Variants in TTN observed in about 807,000 individuals in gnomAD.
TTN encodes the protein titin.
A neutral mutation model predicts 3,223.0 loss-of-function variants in TTN; 1,525 were observed. The ratio of observed to expected loss-of-function variants is 0.47; its 90% confidence interval spans 0.45 to 0.49. The LOEUF is 0.49. Among genes scored for constraint, TTN ranks in the 20% least tolerant of loss-of-function variants. TTN has a pLI of 0.00. For missense variants in TTN, 40,786 were observed against 43,424.0 expected (o/e 0.94, Z 5.40); for synonymous variants, 14,094 against 15,161.0 (o/e 0.93, Z 5.17).
At chr2:178,750,466 A>G in intron 47 of TTN, 6 of 1,612,990 alleles carry the variant, frequency 3.7e-6, no homozygotes, top group Non-Finnish European at 5.1e-6. Context: ...TGTCATTGTT[A>G]TACCACGTCA....
rs778929590 is a variant in TTN, at chr2:178,540,358, T to C, written c.97808A>G (p.Lys32603Arg). The change falls in exon 351 of 363, where the codon AAG (lysine) becomes AGG (arginine). Residue 32603 changes from lysine (K) to arginine (R), a missense_variant. By Grantham distance (26) the Lys-to-Arg change is conservative. Coordinates refer to ENST00000589042, the MANE Select transcript of TTN (RefSeq NM_001267550.2). ...VAMDPIAPPG[K>R]PQNPRVTDTT... is the part of the protein sequence containing the mutation. Reference sequence around the variant, plus strand: ...ATCAGTAACTCTTGGGTTTTGTGGCTTTCCTGGAGGAGCTGAGAATAAGAA... The same window carrying C: ...ATCAGTAACTCTTGGGTTTTGTGGCCTTCCTGGAGGAGCTGAGAATAAGAA... The C allele has an allele frequency of 6.2e-7, 1 of 1,611,886 alleles. No homozygotes were observed.
rs761455000 is a variant in TTN at position 178,591,786 on chromosome 2, T to C, written c.60033A>G (p.Gly20011=). 4 of 1,613,264 alleles carry C rather than the reference T, an allele frequency of 2.5e-6. No individual in the cohort carries two copies. The highest frequency in any genetic ancestry group is 1.7e-5 in the Admixed American group (1 of 59,936). The change falls in exon 303 of 363, where the codon GGA becomes GGG. Residue 20011 remains glycine, a synonymous_variant. Transcript: ENST00000589042. The part of the protein sequence containing the change: ...PDRDGGSPIT[G]YLVEYQEEGT... ...CTTCTTCTTGATATTCTACCAAATA[T>C]CCAGTGATTGGAGAACCACCATCAC...
At chr2:178,672,948 C>T (rs918671174) in intron 152 of TTN, among the ~76,000 whole-genome samples, 3 of 151,320 alleles carry the variant, frequency 2.0e-5, no homozygotes, top group Non-Finnish European at 4.4e-5. Context: ...CTTTTAATAA[C>T]AGGGATTACC....
chr2:178,705,504 C>A (rs2075717435), intron 102 of TTN, 147 bp from the exon 103 acceptor site: 1 of 703,342 alleles, frequency 1.4e-6, no homozygotes, highest in South Asian at 3.3e-5. Context: ...AGCTGTGAAA[C>A]AATTTAAAAA....
Position 178,720,090 on chromosome 2 carries a change from G to A in TTN, c.23552C>T (p.Ala7851Val), listed in dbSNP as rs761381617. 4 of 1,613,726 alleles carry A rather than the reference G, an allele frequency of 2.5e-6. No homozygotes were observed. Among genetic ancestry groups the A allele is most frequent in the Non-Finnish European group, 2.5e-6 (3 of 1,179,700 alleles). The change falls in exon 81 of 363, where the codon GCA becomes GTA. Residue 7851 changes from alanine (A) to valine (V), a missense_variant. Ala to Val is a moderately conservative substitution (Grantham distance 64, BLOSUM62 0). Transcript: ENST00000589042. ...NTRISFIDNI[A>V]TLQLGSPEAS... ...TTCTGGACTCCCCAGCTGGAGGGTTGCAATGTTATCAATGAATGAAATCCT... is the reference window on the plus strand; with the variant it reads ...TTCTGGACTCCCCAGCTGGAGGGTTACAATGTTATCAATGAATGAAATCCT...
chr2:178,541,104 T>C (rs1270736506), intron 350 of TTN, 178 bp downstream of exon 350: 51 of 550,002 alleles, frequency 9.3e-5, no homozygotes, highest in Admixed American at 1.2e-4. Context: ...AGGGACTGAT[T>C]ACAAACGGAC....
chr2:178,577,205 G>A lies in TTN; in HGVS notation c.69130C>T (p.Pro23044Ser), dbSNP rs55980498. ...ACATTACTGATTTCAACAGGACCTG[G>A]GGGACCAGGTACATCAAGGACTGTT... ...KVTVLDVPGP[P>S]GPVEISNVSA... The change falls in exon 324 of 363, where the codon CCA (proline) becomes TCA (serine). Residue 23044 changes from proline to serine, a missense_variant. Transcript: ENST00000589042. 8,307 of 1,612,852 alleles carry A rather than the reference G, an allele frequency of 5.2e-3. 29 individuals carry two copies. Among genetic ancestry groups the A allele is most frequent in the Non-Finnish European group, 6.1e-3 (7,225 of 1,179,470 alleles).
At chr2:178,789,640 C>A in intron 12 of TTN, 143 bp from the exon 13 acceptor site, 1 of 1,134,740 alleles carries the variant, frequency 8.8e-7, no homozygotes, top group East Asian at 2.6e-5. Flanking sequence ...CCGGCAATGT[C>A]TACATATACT....
intron 213 of TTN, among the ~76,000 whole-genome samples, chr2:178,648,176 C>T (rs1343924823): frequency 2.6e-5 from 4 of 152,092 alleles, no homozygotes; most frequent in Admixed American, 6.6e-5. Flanking sequence ...TTTGAAGCTT[C>T]CTATTGCCTA....
intron 236 of TTN, among the ~76,000 whole-genome samples, chr2:178,631,515 A>C (rs1040945445): frequency 3.3e-5 from 5 of 152,020 alleles, no homozygotes; most frequent in Non-Finnish European, 1.5e-5. Flanking sequence ...ATTCATATTG[A>C]ATTTTGAAAC....
chr2:178,598,186 GT>G, intron 292 of TTN, 128 bp from the exon 293 acceptor site: 1 of 1,115,890 alleles, frequency 9.0e-7, no homozygotes, highest in African/African-American at 1.6e-5. Context: ...GCTGGTTTAG[GT>G]TTTAGGGATC....
intron 47 of TTN, chr2:178,745,396 A>T: frequency 7.0e-7 from 1 of 1,428,770 alleles, no homozygotes. Context: ...CACAGTTCAG[A>T]TAACAAAATA....
In TTN at chr2:178,605,021, G is replaced by A. The variant is rs2154195335; in HGVS notation, c.54156C>T (p.Gly18052=). 2 of 1,605,226 alleles carry A rather than the reference G, an allele frequency of 1.2e-6. No individual in the cohort carries two copies. The highest frequency in any genetic ancestry group is 1.7e-6 in the Non-Finnish European group (2 of 1,174,644). ...TYTVTASNRL[G]SVFRNVHVEV... is the part of the protein sequence containing the mutation. ...CAACGTGAACATTTCGGAACACTGA[G>A]CCAAGGCGATTGGAAGCAGTAACTG... is the stretch of plus-strand genomic sequence containing the variant. Residue 18052 remains glycine (G), a synonymous_variant, in exon 280 of 363, where the codon GGC becomes GGT. Transcript: ENST00000589042.
chr2:178,636,403 A>T lies in TTN; in HGVS notation c.41324T>A (p.Val13775Glu). The T allele has an allele frequency of 6.2e-7, 1 of 1,602,656 alleles. No homozygotes were observed. The highest frequency in any genetic ancestry group is 8.5e-7 in the Non-Finnish European group (1 of 1,173,816). Residue 13775 changes from valine (V) to glutamate (E), a missense_variant, in exon 225 of 363, where the codon GTA (valine) becomes GAA (glutamate). Transcript: ENST00000589042. This position sits in a 1 kb window ranked among gnomAD's most constrained non-coding sequence, Gnocchi z 4.3. ...TTCAGAAGACTAGAAATTACCTTCT[A>T]CAACAAGTTTAGCCGTGGAGGTCTT... ...KEKTSTAKLV[V>E]EELPVRFVKT...
Position 178,588,031 on chromosome 2 carries a change from C to T in TTN, c.63376G>A (p.Val21126Ile), listed in dbSNP as rs2049411703. 1.2e-6 allele frequency: 2 copies of T among 1,612,900 alleles called. No homozygotes were observed. The highest frequency in any genetic ancestry group is 1.3e-5 in the African/African-American group (1 of 74,880). The change falls in exon 305 of 363, where the codon GTA becomes ATA. Residue 21126 changes from valine to isoleucine, a missense_variant. By Grantham distance (29) the Val-to-Ile change is conservative. Coordinates refer to ENST00000589042, the MANE Select transcript of TTN (RefSeq NM_001267550.2). ...WKRCNAAAQL[V>I]RKEFTVTSLD... ...CTGGTAACAGTGAATTCCTTGCGTA[C>T]AAGCTGTGCTGCAGCATTACACCGT...
At chr2:178,658,937 TA>T (rs2064227090) in intron 182 of TTN, 67 bp downstream of exon 182, 2 of 607,234 alleles carry the variant, frequency 3.3e-6, no homozygotes, top group Non-Finnish European at 3.0e-6. Flanking sequence ...GTAGGATTTT[TA>T]ACATGTAATT....
Position 178,591,773 on chromosome 2 carries a change from A to G in TTN, c.60046T>C (p.Tyr20016His), listed in dbSNP as rs1186164600. 2 of 1,613,194 alleles carry G rather than the reference A, an allele frequency of 1.2e-6. No individual in the cohort carries two copies. Among genetic ancestry groups the G allele is most frequent in the African/African-American group, 2.7e-5 (2 of 74,890 alleles). ...GSPITGYLVE[Y>H]QEEGTQDWIK... ...CAGTCCTGGGTGCCTTCTTCTTGAT[A>G]TTCTACCAAATATCCAGTGATTGGA... Residue 20016 changes from tyrosine to histidine, a missense_variant, in exon 303 of 363, where the codon TAT (tyrosine) becomes CAT (histidine). Tyr to His is a moderately conservative substitution (Grantham distance 83). Transcript: ENST00000589042.
rs375970324 is a variant in TTN, at chr2:178,612,917, C to T, written c.49804G>A (p.Ala16602Thr). The part of the protein sequence containing the change: ...KTGTDEWVRV[A>T]EGVPTTQHLL... ...TGCTGAGTGGTGGGAACCCCTTCCGCCACTCTGACCCACTCATCTGTTCCA... is the reference window on the plus strand; with the variant it reads ...TGCTGAGTGGTGGGAACCCCTTCCGTCACTCTGACCCACTCATCTGTTCCA... The change falls in exon 265 of 363, where the codon GCG (alanine) becomes ACG (threonine). Residue 16602 changes from alanine to threonine, a missense_variant. Coordinates refer to ENST00000589042, the MANE Select transcript of TTN (RefSeq NM_001267550.2). The T allele has an allele frequency of 3.7e-6, 6 of 1,612,518 alleles. No homozygotes were observed. The African/African-American group carries it at 6.7e-5, about 18-fold the overall frequency.
Position 178,715,475 on chromosome 2 carries a change from G to A in TTN, c.25921+18C>T. The A allele has an allele frequency of 6.2e-7, 1 of 1,600,682 alleles. No homozygotes were observed. The highest frequency in any genetic ancestry group is 1.1e-5 in the South Asian group (1 of 89,758). ...AGGAGGCTAATGTGAAAAACACACA[G>A]GTGGGGAGAGCGCTGACCTTTAACT... On this transcript the variant is annotated intron_variant, in intron 89 of 362. Transcript: ENST00000589042.
Sources: allele counts gnomAD v4.1 joint callset (sites outside exome capture counted in the v4.1 genomes callset), GRCh38; gene constraint gnomAD v4.1.1; non-coding constraint Gnocchi (gnomAD v3.1); transcripts MANE v1.5; gene names NCBI Gene and HGNC (gene_info 2026-07-23, HGNC 2026-07-21).